The following ABLIM2 variants were observed in gnomAD, a reference collection of about 807,000 sequenced individuals.
ABLIM2 encodes actin binding LIM protein family member 2.
ABLIM2 carries 53 observed loss-of-function variants against 97.7 expected under a neutral mutation model. The observed-to-expected ratio is 0.54, with a 90% CI of 0.44 to 0.68. ABLIM2 has a LOEUF of 0.68. Ranked by LOEUF, ABLIM2 falls within the 30% of genes least tolerant of loss-of-function variation. The probability of loss-of-function intolerance (pLI) is 0.00; values close to 1 mark genes in which losing one functional copy is unlikely to be tolerated. For missense variants in ABLIM2, 835 were observed against 867.2 expected (o/e 0.96, Z 0.47); for synonymous variants, 361 against 345.8 (o/e 1.04, Z -0.49).
At chr4:8,060,447 C>G (rs1019090573) in intron 7 of ABLIM2, among the ~76,000 whole-genome samples, 2 of 152,198 alleles carry the variant, frequency 1.3e-5, no homozygotes, top group African/African-American at 4.8e-5. Context: ...CGTCAATGCT[C>G]TGTGGGGCTG....
rs571549863 is a variant in ABLIM2 at position 8,022,075 on chromosome 4, C to T, written c.1268-1772G>A. Among the ~76,000 whole-genome samples the T allele has an allele frequency of 3.2e-4, 48 of 152,326 alleles. No homozygotes were observed. The highest frequency in any genetic ancestry group is 1.1e-3 in the African/African-American group (47 of 41,576). ...GGACACCGCGGATCCCTCCTACCGA[C>T]TACGGCTGTGCTGGACCCATCCCCA... is the stretch of plus-strand genomic sequence containing the variant. On this transcript the variant is annotated intron_variant, in intron 12 of 20. Transcript: ENST00000447017. The surrounding 1 kb of genome is among the most constrained non-coding windows in gnomAD (Gnocchi z 7.8).
chr4:8,009,400 GT>G (rs1472408064), intron 14 of ABLIM2, among the ~76,000 whole-genome samples: 1 of 151,930 alleles, frequency 6.6e-6, no homozygotes. Context: ...ATTTTGTTTT[GT>G]TTTTTGTTTT....
chr4:8,153,388 C>T (rs1713772409), intron 1 of ABLIM2, among the ~76,000 whole-genome samples: 2 of 152,170 alleles, frequency 1.3e-5, no homozygotes, highest in Non-Finnish European at 1.5e-5. Flanking sequence ...TCTTGAGTGG[C>T]CAGGTTAGGA....
intron 8 of ABLIM2, among the ~76,000 whole-genome samples, chr4:8,049,493 T>C (rs769327946): frequency 5.9e-5 from 9 of 152,174 alleles, no homozygotes; most frequent in Non-Finnish European, 1.2e-4. Context: ...GTTCAGGCCA[T>C]GATGGGAAGC....
rs1397683321 is a variant in ABLIM2 at position 8,088,045 on chromosome 4, G to A, written c.454+124C>T. ...ATACTCAGCACCGCCCCCACTCAGC[G>A]CCCCCCAGCACCTCCCACTCAGTAC... On this transcript the variant is annotated intron_variant, in intron 4 of 20. Coordinates refer to ENST00000447017, the MANE Select transcript of ABLIM2 (RefSeq NM_001130083.2). 2.6e-5 allele frequency: 7 copies of A among 270,062 alleles called. No individual in the cohort carries two copies. The East Asian group carries it at 4.1e-4, about 16-fold the overall frequency. The allele number at this position is 270,062 out of a possible 1,614,324, so 16.7% of individuals were successfully genotyped here. A position where few individuals can be genotyped will look rare whatever the true frequency, so the allele number is the denominator to read the frequency against.
intron 1 of ABLIM2, among the ~76,000 whole-genome samples, chr4:8,158,040 C>G (rs1319946861): frequency 1.3e-5 from 2 of 152,258 alleles, no homozygotes; most frequent in Non-Finnish European, 2.9e-5. Context: ...TTTCCAGCCC[C>G]GCACAGAGGC....
chr4:8,007,359 T>C, intron 16 of ABLIM2: 1 of 985,338 alleles, frequency 1.0e-6, no homozygotes, highest in Non-Finnish European at 1.2e-6. Flanking sequence ...ATCCATCCTC[T>C]CCCAGCCCCT....
At chr4:8,036,708 C>T (rs1297059256) in intron 9 of ABLIM2, among the ~76,000 whole-genome samples, 2 of 152,218 alleles carry the variant, frequency 1.3e-5, no homozygotes, top group African/African-American at 4.8e-5. Context: ...GAAATGATCA[C>T]ACCCGAAGGC....
chr4:8,072,011 G>A lies in ABLIM2; in HGVS notation c.675+5617C>T, dbSNP rs1192584757. 3.9e-5 allele frequency: 38 copies of A among 985,364 alleles called. No homozygotes were observed. The highest frequency in any genetic ancestry group is 4.2e-5 in the Non-Finnish European group (35 of 829,994). The allele number at this position is 985,364 out of a possible 1,614,324, so 61.0% of individuals were successfully genotyped here. A position where few individuals can be genotyped will look rare whatever the true frequency, so the allele number is the denominator to read the frequency against. On this transcript the variant is annotated intron_variant, in intron 6 of 20. Coordinates refer to ENST00000447017, the MANE Select transcript of ABLIM2 (RefSeq NM_001130083.2). The surrounding 1 kb of genome is among the most constrained non-coding windows in gnomAD (Gnocchi z 5.8). ...TGCGGAGCCAGGCTTGTCCCCGCCC[G>A]CAGTTCCCACCTTGCACCCGGGGAG...
intron 8 of ABLIM2, among the ~76,000 whole-genome samples, chr4:8,049,762 T>C (rs1794802465): frequency 6.6e-6 from 1 of 152,176 alleles, no homozygotes; most frequent in African/African-American, 2.4e-5. Context: ...AGGGTCTCAC[T>C]CTGTTGCCCA....
chr4:8,118,245 A>C (rs1261635311), intron 1 of ABLIM2, among the ~76,000 whole-genome samples: 1 of 152,210 alleles, frequency 6.6e-6, no homozygotes, highest in African/African-American at 2.4e-5. Context: ...ACTGACTGCC[A>C]TCTGGGGAGA....
intron 8 of ABLIM2, among the ~76,000 whole-genome samples, chr4:8,050,142 T>C (rs1364717027): frequency 6.6e-6 from 1 of 152,224 alleles, no homozygotes. Context: ...GTCTCGTGTC[T>C]TCCTGACATG....
intron 14 of ABLIM2, among the ~76,000 whole-genome samples, chr4:8,013,536 T>C (rs1766542898): frequency 6.6e-6 from 1 of 152,166 alleles, no homozygotes; most frequent in Non-Finnish European, 1.5e-5. Context: ...TGGGTAAACA[T>C]TTGTAAAGCA....
At chr4:8,134,303 C>A (rs552889048) in intron 1 of ABLIM2, among the ~76,000 whole-genome samples, 6 of 152,152 alleles carry the variant, frequency 3.9e-5, no homozygotes, top group Non-Finnish European at 8.8e-5. Flanking sequence ...CAGGGCGGAT[C>A]GGAGGGGATG....
Position 8,027,825 on chromosome 4 carries a change from G to C in ABLIM2, c.1201C>G (p.Leu401Val), listed in dbSNP as rs1579061993. The change falls in exon 12 of 21, where the codon CTC becomes GTC. Residue 401 changes from leucine (L) to valine (V), a missense_variant. Transcript: ENST00000447017. The part of the protein sequence containing the change: ...GTVSVGTSSC[L>V]SLSQHPSPTS... The stretch of plus-strand genomic sequence containing the variant: ...GGGCTTGGGTGTTGGGACAGGGAGA[G>C]GCAGCTACTGGTACCCACACTCACA... The C allele has an allele frequency of 6.2e-7, 1 of 1,600,346 alleles. No homozygotes were observed. The highest frequency in any genetic ancestry group is 2.3e-5 in the East Asian group (1 of 43,288).
In ABLIM2 at chr4:7,984,010, T is replaced by C. The variant is rs541465355; in HGVS notation, c.1736-456A>G. ...CTTATTAACTCTACATTTTCTCTTT[T>C]TCAAACTACTGAGCTCTGCCCCCTA... is the stretch of plus-strand genomic sequence containing the variant. On this transcript the variant is annotated intron_variant, in intron 18 of 20. Transcript: ENST00000447017. 2.6e-5 allele frequency among the ~76,000 whole-genome samples: 4 copies of C among 152,128 alleles called. No homozygotes were observed. In the South Asian group the frequency reaches 8.3e-4, roughly 32 times the overall value.
chr4:8,030,277 G>A (rs1780079083), intron 10 of ABLIM2, among the ~76,000 whole-genome samples: 1 of 152,092 alleles, frequency 6.6e-6, no homozygotes, highest in Non-Finnish European at 1.5e-5. Context: ...CACAAGCACC[G>A]ACATGGCAGA....
chr4:8,018,180 C>G (rs1190212820), intron 14 of ABLIM2, among the ~76,000 whole-genome samples: 1 of 152,156 alleles, frequency 6.6e-6, no homozygotes, highest in African/African-American at 2.4e-5. Context: ...CCCCTCCTGT[C>G]CTGCACATGT....
intron 14 of ABLIM2, among the ~76,000 whole-genome samples, chr4:8,012,353 A>C (rs1163650036): frequency 6.7e-6 from 1 of 150,176 alleles, no homozygotes; most frequent in Non-Finnish European, 1.5e-5. Flanking sequence ...CCATCTATTC[A>C]TCTATCTACC....
Sources: gnomAD v4.1 joint callset for allele counts (sites outside exome capture counted in the v4.1 genomes callset) on GRCh38, gnomAD v4.1.1 for gene constraint, Gnocchi (gnomAD v3.1) non-coding constraint, MANE v1.5 for transcripts, NCBI Gene and HGNC (gene_info 2026-07-23, HGNC 2026-07-21) for gene names.